CORIN: variants seen among roughly 807,000 people sequenced by gnomAD.
CORIN encodes corin, serine peptidase.
In CORIN, 117 loss-of-function variants were observed where a neutral mutation model predicts 125.3. That is an observed-to-expected ratio of 0.93 (90% CI 0.80 to 1.09). CORIN has a LOEUF of 1.09. Ranked by LOEUF, CORIN falls within the 50% of genes least tolerant of loss-of-function variation. CORIN has a pLI of 0.00. For missense variants in CORIN, 1,253 were observed against 1,306.7 expected (o/e 0.96, Z 0.63); for synonymous variants, 450 against 466.4 (o/e 0.96, Z 0.45).
chr4:47,812,041 G>A (rs1732085098), intron 1 of CORIN, among the ~76,000 whole-genome samples: 2 of 152,138 alleles, frequency 1.3e-5, no homozygotes, highest in African/African-American at 4.8e-5. Flanking sequence ...ATTCTTTTAA[G>A]AAAATTGTAT....
At chr4:47,671,795 T>TCAGATTG (rs1724773069) in intron 10 of CORIN, among the ~76,000 whole-genome samples, 3 of 152,028 alleles carry the variant, frequency 2.0e-5, no homozygotes, top group Admixed American at 1.3e-4. Context: ...ATCACCATGT[T>TCAGATTG]AGCCAGGATG....
intron 5 of CORIN, among the ~76,000 whole-genome samples, chr4:47,705,488 T>C (rs61761832): frequency 6.6e-6 from 1 of 152,166 alleles, no homozygotes; most frequent in Non-Finnish European, 1.5e-5. Context: ...TGGAAAATAC[T>C]ACTGCCAAAA....
intron 5 of CORIN, among the ~76,000 whole-genome samples, chr4:47,710,720 C>T (rs1164129650): frequency 6.6e-6 from 1 of 152,252 alleles, no homozygotes; most frequent in Non-Finnish European, 1.5e-5. Context: ...CAGCTGAAGA[C>T]TCCATTTCCC....
chr4:47,741,327 CAT>C (rs1196128170), intron 5 of CORIN, among the ~76,000 whole-genome samples: 1 of 152,134 alleles, frequency 6.6e-6, no homozygotes, highest in Non-Finnish European at 1.5e-5. Context: ...CTAACAAGCA[CAT>C]GACATGTTGC....
chr4:47,725,766 A>C (rs531066299), intron 5 of CORIN, among the ~76,000 whole-genome samples: 1 of 152,236 alleles, frequency 6.6e-6, no homozygotes, highest in South Asian at 2.1e-4. Flanking sequence ...AAATAAAATC[A>C]TTTGTTCTGT....
intron 1 of CORIN, among the ~76,000 whole-genome samples, chr4:47,809,204 C>T (rs562459586): frequency 6.6e-6 from 1 of 152,248 alleles, no homozygotes; most frequent in East Asian, 1.9e-4. Flanking sequence ...ATAGGAATAA[C>T]CTTGGCTCAT....
intron 3 of CORIN, among the ~76,000 whole-genome samples, chr4:47,768,335 A>C (rs1180725448): frequency 6.6e-6 from 1 of 152,202 alleles, no homozygotes; most frequent in Non-Finnish European, 1.5e-5. Context: ...AACCAGTAAC[A>C]AAAAGTCTTC....
rs190687885 is a variant in CORIN, at chr4:47,762,134, G to A, written c.617+1245C>T. Reference sequence around the variant, plus strand: ...TGTATATTTGTATGTATATGTGTATGTGTAGTATTCTTAAAAAATGCTAAA... The same window carrying A: ...TGTATATTTGTATGTATATGTGTATATGTAGTATTCTTAAAAAATGCTAAA... On this transcript the variant is annotated intron_variant, in intron 4 of 21. Coordinates refer to ENST00000273857, the MANE Select transcript of CORIN (RefSeq NM_006587.4). Among the ~76,000 whole-genome samples, 29 of 152,148 alleles carry A rather than the reference G, an allele frequency of 1.9e-4. No homozygotes were observed. The East Asian group carries it at 5.6e-3, about 29-fold the overall frequency.
chr4:47,673,359 G>C (rs918017957), intron 10 of CORIN, among the ~76,000 whole-genome samples: 15 of 150,086 alleles, frequency 1.0e-4, no homozygotes, highest in Non-Finnish European at 1.6e-4. Flanking sequence ...CTGGGTGACA[G>C]AGCCAGACTC....
At chr4:47,787,976 T>G (rs1730896711) in intron 2 of CORIN, among the ~76,000 whole-genome samples, 4 of 152,236 alleles carry the variant, frequency 2.6e-5, no homozygotes, top group African/African-American at 9.6e-5. Flanking sequence ...GAACCAAACC[T>G]AAGATTATTG....
At chr4:47,718,322 C>T (rs1727195513) in intron 5 of CORIN, among the ~76,000 whole-genome samples, 1 of 152,166 alleles carries the variant, frequency 6.6e-6, no homozygotes, top group Non-Finnish European at 1.5e-5. Flanking sequence ...TATACATTCT[C>T]TCATTCAAAA....
At chr4:47,706,570 A>C (rs2109768966) in intron 5 of CORIN, 1 of 1,608,836 alleles carries the variant, frequency 6.2e-7, no homozygotes. Context: ...GATTTGTGTT[A>C]GCCGTGGTGG....
chr4:47,605,483 AGGATAAAAAATGT>A (rs1220308573), intron 19 of CORIN, among the ~76,000 whole-genome samples: 1 of 152,146 alleles, frequency 6.6e-6, no homozygotes, highest in Admixed American at 6.5e-5. Flanking sequence ...CAGAGTGGTC[AGGATAAAAAATGT>A]GGACATTTAT....
rs61760489 is a variant in CORIN, at chr4:47,665,052, G to A, written c.1569C>T (p.Gly523=). The change falls in exon 11 of 22, where the codon GGC becomes GGT. Residue 523 remains glycine (G), a synonymous_variant. Transcript: ENST00000273857. ...ILVPKCDVNT[G]EHIPPCRALC... is the part of the protein sequence containing the mutation. ...ATTACCTGCAAGGAGGGATATGCTC[G>A]CCTGTATTCACATCACATTTTGGTA... The A allele has an allele frequency of 1.0e-4, 162 of 1,609,770 alleles. No individual in the cohort carries two copies. The highest frequency in any genetic ancestry group is 9.9e-5 in the Non-Finnish European group (117 of 1,176,314).
intron 3 of CORIN, among the ~76,000 whole-genome samples, chr4:47,783,683 T>C (rs1252557554): frequency 6.6e-6 from 1 of 152,118 alleles, no homozygotes; most frequent in Non-Finnish European, 1.5e-5. Flanking sequence ...CTCTGCTCAG[T>C]GTTAATACAG....
At chr4:47,676,451 G>C (rs1484677581) in intron 9 of CORIN, among the ~76,000 whole-genome samples, 1 of 152,074 alleles carries the variant, frequency 6.6e-6, no homozygotes, top group Non-Finnish European at 1.5e-5. Flanking sequence ...CGCTTTACCA[G>C]GGCATGCACC....
intron 13 of CORIN, among the ~76,000 whole-genome samples, chr4:47,647,340 T>C (rs1439583050): frequency 1.3e-5 from 2 of 152,136 alleles, no homozygotes; most frequent in Non-Finnish European, 2.9e-5. Flanking sequence ...TCACAAAACA[T>C]ACCACTTGCT....
rs1722700703 is a variant in CORIN at position 47,629,031 on chromosome 4, A to C, written c.2199-2510T>G. Among the ~76,000 whole-genome samples the C allele has an allele frequency of 2.6e-5, 4 of 152,098 alleles. No homozygotes were observed. In the South Asian group the frequency reaches 8.3e-4, roughly 31 times the overall value. ...AGAGTGCAGATGTCTTTTTGAGATAATTATTTCCTTTAGATATATACCCAG... is the reference window on the plus strand; with the variant it reads ...AGAGTGCAGATGTCTTTTTGAGATACTTATTTCCTTTAGATATATACCCAG... On this transcript the variant is annotated intron_variant, in intron 16 of 21. Coordinates refer to ENST00000273857, the MANE Select transcript of CORIN (RefSeq NM_006587.4).
At chr4:47,597,911 A>G (rs1157193943) in intron 21 of CORIN, among the ~76,000 whole-genome samples, 1 of 152,212 alleles carries the variant, frequency 6.6e-6, no homozygotes, top group African/African-American at 2.4e-5. Context: ...ATGAAAGCAA[A>G]ATCTAATGGC....
Sources: allele counts gnomAD v4.1 joint callset (sites outside exome capture counted in the v4.1 genomes callset), GRCh38; gene constraint gnomAD v4.1.1; transcripts MANE v1.5; gene names NCBI Gene and HGNC (gene_info 2026-07-23, HGNC 2026-07-21).